NIM1K: variants seen among roughly 807,000 people sequenced by gnomAD.
The protein encoded by NIM1K is serine/threonine-protein kinase NIM1.
In NIM1K, 35 loss-of-function variants were observed where a neutral mutation model predicts 37.1. That is an observed-to-expected ratio of 0.94 (90% CI 0.72 to 1.25). The LOEUF (loss-of-function observed/expected upper bound fraction) is 1.25, where lower values mean the gene tolerates loss of function less well. NIM1K is among the 50% of genes most tolerant of loss of function. NIM1K has a pLI of 0.00. For synonymous variants in NIM1K, 234 were observed against 206.6 expected, an observed-to-expected ratio of 1.13 and a Z score of -1.14; for missense variants, 564 against 548.0, an observed-to-expected ratio of 1.03 and a Z score of -0.29.
chr5:43,269,203 A>T (rs1753216278), intron 2 of NIM1K, among the ~76,000 whole-genome samples: 1 of 148,448 alleles, frequency 6.7e-6, no homozygotes, highest in African/African-American at 2.5e-5. Context: ...CCAGCTACTC[A>T]GGAGGCTGAG....
intron 1 of NIM1K, among the ~76,000 whole-genome samples, chr5:43,215,212 G>T (rs533088448): frequency 6.6e-6 from 1 of 152,176 alleles, no homozygotes; most frequent in East Asian, 1.9e-4. Context: ...CTCAGAAGTG[G>T]CTCCCAAAGC....
intron 1 of NIM1K, chr5:43,207,245 A>T: frequency 1.3e-6 from 1 of 757,958 alleles, no homozygotes. Flanking sequence ...GGGAAGTGGC[A>T]AAGATTACAC....
intron 2 of NIM1K, among the ~76,000 whole-genome samples, chr5:43,270,124 G>A (rs528118989): frequency 1.3e-5 from 2 of 152,258 alleles, no homozygotes; most frequent in African/African-American, 4.8e-5. Context: ...TAGTTTTGCT[G>A]GACACAAAAT....
Position 43,277,097 on chromosome 5 carries a change from C to A in NIM1K, c.333C>A (p.Asp111Glu). 1 of 1,614,068 alleles carries A rather than the reference C, an allele frequency of 6.2e-7. No individual in the cohort carries two copies. The highest frequency in any genetic ancestry group is 1.1e-5 in the South Asian group (1 of 91,070). The change falls in exon 3 of 4, where the codon GAC becomes GAA. Residue 111 changes from aspartate (D) to glutamate (E), a missense_variant. Coordinates refer to ENST00000326035, the MANE Select transcript of NIM1K (RefSeq NM_153361.4). ...AGATCCTGGACAAGACCAAGTTAGA[C>A]CAGAAAACCCAGAGGCTACTATCCC... ...AIKILDKTKL[D>E]QKTQRLLSRE...
intron 2 of NIM1K, among the ~76,000 whole-genome samples, chr5:43,252,582 A>T (rs1443193164): frequency 1.3e-5 from 2 of 152,090 alleles, no homozygotes; most frequent in East Asian, 1.9e-4. Context: ...TTGAAAAAAA[A>T]AAAAAATAAA....
intron 1 of NIM1K, among the ~76,000 whole-genome samples, chr5:43,230,942 G>A (rs1752529913): frequency 6.6e-6 from 1 of 152,246 alleles, no homozygotes; most frequent in Non-Finnish European, 1.5e-5. Context: ...ATTTCTATAT[G>A]GGTGTGTCTT....
rs968623946 is a variant in NIM1K, at chr5:43,228,465, A to C, written c.-694-16617A>C. ...CCGGCCGAGACCTGTTTTATTGTAA[A>C]TAAACATAAACAAAAATTTTACATT... is the stretch of plus-strand genomic sequence containing the variant. On this transcript the variant is annotated intron_variant, in intron 1 of 3. Coordinates refer to ENST00000326035, the MANE Select transcript of NIM1K (RefSeq NM_153361.4). Among the ~76,000 whole-genome samples the C allele has an allele frequency of 2.6e-5, 4 of 152,188 alleles. No homozygotes were observed. In the South Asian group the frequency reaches 8.3e-4, roughly 32 times the overall value.
chr5:43,270,574 C>A (rs1753241116), intron 2 of NIM1K, among the ~76,000 whole-genome samples: 1 of 152,038 alleles, frequency 6.6e-6, no homozygotes, highest in African/African-American at 2.4e-5. Flanking sequence ...AGAAAAGAAG[C>A]CATGAAAGAG....
intron 1 of NIM1K, among the ~76,000 whole-genome samples, chr5:43,201,614 A>ATT (rs34838396): frequency 7.3e-5 from 11 of 151,298 alleles, no homozygotes; most frequent in African/African-American, 2.7e-4. Context: ...AGCCAAATAT[A>ATT]TTTTTTTTTG....
At chr5:43,258,022 A>G (rs1752972350) in intron 2 of NIM1K, among the ~76,000 whole-genome samples, 1 of 152,180 alleles carries the variant, frequency 6.6e-6, no homozygotes. Flanking sequence ...GAAAAGACCC[A>G]TGGAAGCACC....
In NIM1K at chr5:43,277,125, G is replaced by C. The variant is rs765063232; in HGVS notation, c.361G>C (p.Glu121Gln). 1.1e-5 allele frequency: 17 copies of C among 1,614,154 alleles called. No individual in the cohort carries two copies. The highest frequency in any genetic ancestry group is 1.4e-5 in the Non-Finnish European group (16 of 1,180,012). The change falls in exon 3 of 4, where the codon GAA becomes CAA. Residue 121 changes from glutamate (E) to glutamine (Q), a missense_variant. Transcript: ENST00000326035. Reference sequence around the variant, plus strand: ...GAAAACCCAGAGGCTACTATCCCGAGAAATCTCCAGCATGGAAAAGCTGCA... The same window carrying C: ...GAAAACCCAGAGGCTACTATCCCGACAAATCTCCAGCATGGAAAAGCTGCA... ...DQKTQRLLSREISSMEKLHHP... is the reference protein window; with the variant it reads ...DQKTQRLLSRQISSMEKLHHP...
chr5:43,272,755 TG>T (rs1383036225), intron 2 of NIM1K, among the ~76,000 whole-genome samples: 1 of 152,156 alleles, frequency 6.6e-6, no homozygotes, highest in Admixed American at 6.5e-5. Context: ...ACTTAATAAT[TG>T]GAAGATTTTG....
chr5:43,268,494 G>C (rs1753204334), intron 2 of NIM1K, among the ~76,000 whole-genome samples: 1 of 152,178 alleles, frequency 6.6e-6, no homozygotes, highest in African/African-American at 2.4e-5. Flanking sequence ...CACTTCTGTG[G>C]GGCCACAGGA....
chr5:43,259,117 C>T (rs565713459), intron 2 of NIM1K, among the ~76,000 whole-genome samples: 95 of 152,276 alleles, frequency 6.2e-4, no homozygotes, highest in Admixed American at 1.8e-3. Context: ...GAGTAGTATT[C>T]TATGGTATAT....
chr5:43,195,984 A>G (rs1751908155), intron 1 of NIM1K, among the ~76,000 whole-genome samples: 1 of 152,182 alleles, frequency 6.6e-6, no homozygotes, highest in Admixed American at 6.6e-5. Context: ...GAGAACACTG[A>G]TGGTTTTCCA....
In NIM1K at chr5:43,214,581, C is replaced by A. The variant is rs144486958; in HGVS notation, c.-695+22170C>A. 2.9e-3 allele frequency among the ~76,000 whole-genome samples: 433 copies of A among 151,152 alleles called. 2 individuals are homozygous for A. Among genetic ancestry groups the A allele is most frequent in the African/African-American group, 0.01 (421 of 41,240 alleles). ...CTGTAATCCTAGCACTTTGGGAGGC[C>A]GAAGCGGGCGGATCACGAGGTCAGG... is the stretch of plus-strand genomic sequence containing the variant. On this transcript the variant is annotated intron_variant, in intron 1 of 3. Transcript: ENST00000326035.
intron 1 of NIM1K, among the ~76,000 whole-genome samples, chr5:43,221,764 A>G (rs762887674): frequency 1.2e-4 from 19 of 152,232 alleles, no homozygotes; most frequent in Non-Finnish European, 2.5e-4. Context: ...TGACTGGCAC[A>G]AGGGTAGGTT....
At chr5:43,265,287 C>T (rs1753123750) in intron 2 of NIM1K, among the ~76,000 whole-genome samples, 1 of 152,192 alleles carries the variant, frequency 6.6e-6, no homozygotes, top group Non-Finnish European at 1.5e-5. Flanking sequence ...TTCATATAGT[C>T]CCATATTTCT....
chr5:43,253,724 A>T (rs1396586056), intron 2 of NIM1K, among the ~76,000 whole-genome samples: 1 of 150,116 alleles, frequency 6.7e-6, no homozygotes, highest in African/African-American at 2.5e-5. Context: ...CAATGGTGTG[A>T]TCTCTGTTCA....
Sources: allele counts gnomAD v4.1 joint callset (sites outside exome capture counted in the v4.1 genomes callset), GRCh38; gene constraint gnomAD v4.1.1; transcripts MANE v1.5; gene names NCBI Gene and HGNC (gene_info 2026-07-23, HGNC 2026-07-21).